The following PTPRG variants were observed in gnomAD, a reference collection of about 807,000 sequenced individuals.
PTPRG encodes protein tyrosine phosphatase receptor type G.
PTPRG carries 102 observed loss-of-function variants against 165.3 expected under a neutral mutation model. That is an observed-to-expected ratio of 0.62 (90% CI 0.53 to 0.73). The LOEUF is 0.73. Ranked by LOEUF, PTPRG falls within the 30% of genes least tolerant of loss-of-function variation. The probability of loss-of-function intolerance (pLI) is 0.00; values close to 1 mark genes in which losing one functional copy is unlikely to be tolerated. For synonymous variants in PTPRG, 675 were observed against 669.5 expected (o/e 1.01, Z -0.13); for missense variants, 1,866 against 1,861.4 (o/e 1.00, Z -0.05).
chr3:61,615,547 C>G (rs1701277232), intron 1 of PTPRG, among the ~76,000 whole-genome samples: 1 of 152,190 alleles, frequency 6.6e-6, no homozygotes, highest in African/African-American at 2.4e-5. Flanking sequence ...GCCAGGCTTC[C>G]CCACTTAAAC....
At chr3:61,846,848 G>T (rs1355450367) in intron 2 of PTPRG, among the ~76,000 whole-genome samples, 1 of 152,142 alleles carries the variant, frequency 6.6e-6, no homozygotes, top group Admixed American at 6.5e-5. Context: ...CCAGGAGGTG[G>T]AGGTTGCAGT....
rs569045690 is a variant in PTPRG, at chr3:61,770,577, A to G, written c.190+21595A>G. ...AATAATTTTTCTCAACTTTGCATATACTTTTTTCTTCCTGCATTTAATCTA... is the reference window on the plus strand; with the variant it reads ...AATAATTTTTCTCAACTTTGCATATGCTTTTTTCTTCCTGCATTTAATCTA... On this transcript the variant is annotated intron_variant, in intron 2 of 29. Coordinates refer to ENST00000474889, the MANE Select transcript of PTPRG (RefSeq NM_002841.4). 8 of 152,204 alleles carry G rather than the reference A, an allele frequency of 5.3e-5. No individual in the cohort carries two copies. In the South Asian group the frequency reaches 1.0e-3, roughly 20 times the overall value. 9.4% of individuals were successfully genotyped at this position (152,204 alleles called of 1,614,324 possible). A position where few individuals can be genotyped will look rare whatever the true frequency, so the allele number is the denominator to read the frequency against.
In PTPRG at chr3:61,562,009, C is replaced by T. The variant is rs1377959638; in HGVS notation, c.-279C>T. 2 of 315,234 alleles carry T rather than the reference C, an allele frequency of 6.3e-6. No homozygotes were observed. The highest frequency in any genetic ancestry group is 1.2e-4 in the East Asian group (2 of 16,350). 19.5% of individuals were successfully genotyped at this position (315,234 alleles called of 1,614,324 possible). On this transcript the variant is annotated 5_prime_UTR_variant, in exon 1 of 30. Coordinates refer to ENST00000474889, the MANE Select transcript of PTPRG (RefSeq NM_002841.4). ...CGCCGGCCGCCGACTCCGCGCCCTG[C>T]CCGATCGGCTCTCTCCTTTTTAAAC...
intron 1 of PTPRG, among the ~76,000 whole-genome samples, chr3:61,682,416 T>C (rs1703480784): frequency 6.6e-6 from 1 of 152,186 alleles, no homozygotes; most frequent in Admixed American, 6.5e-5. Context: ...GCAGATGCTG[T>C]TAAATGTTGA....
In PTPRG at chr3:62,168,109, A is replaced by C; in HGVS notation, c.979A>C (p.Asn327His). ...VSKSAVRDSW[N>H]HDMTDFLENP... ...CAAGTCCGCCGTCCGTGACTCCTGG[A>C]ACCACGACATGACAGACTTCTTAGA... Residue 327 changes from asparagine to histidine, a missense_variant, in exon 8 of 30, where the codon AAC (asparagine) becomes CAC (histidine). Asn to His is a moderately conservative substitution (Grantham distance 68, BLOSUM62 1). Around this residue, in one of 3 missense-constraint regions of PTPRG, gnomAD observed 1,452 missense variants for 1,463.0 expected, o/e 0.99. Coordinates refer to ENST00000474889, the MANE Select transcript of PTPRG (RefSeq NM_002841.4). 1 of 1,614,092 alleles carries C rather than the reference A, an allele frequency of 6.2e-7. No homozygotes were observed. Among genetic ancestry groups the C allele is most frequent in the Non-Finnish European group, 8.5e-7 (1 of 1,179,990 alleles).
At chr3:62,186,410 A>G (rs1576110599) in intron 8 of PTPRG, among the ~76,000 whole-genome samples, 1 of 152,046 alleles carries the variant, frequency 6.6e-6, no homozygotes, top group East Asian at 1.9e-4. Flanking sequence ...AGATGCTTGC[A>G]GCTCAGTCAG....
At chr3:61,752,785 C>CAAAAAAAAAAAAAAAAAAAAA (rs749817659) in intron 2 of PTPRG, among the ~76,000 whole-genome samples, 61 of 69,904 alleles carry the variant, frequency 8.7e-4, no homozygotes, top group African/African-American at 1.1e-3. Context: ...AAGACTGTCT[C>CAAAAAAAAAAAAAAAAAAAAA]AAAAAAAAAA....
chr3:61,953,726 C>A (rs370457265), intron 2 of PTPRG, among the ~76,000 whole-genome samples: 3 of 152,170 alleles, frequency 2.0e-5, no homozygotes, highest in African/African-American at 7.2e-5. Context: ...ACCTTCCATT[C>A]TTTCAGCACG....
At chr3:61,969,297 C>T (rs965408857) in intron 2 of PTPRG, among the ~76,000 whole-genome samples, 2 of 152,068 alleles carry the variant, frequency 1.3e-5, no homozygotes, top group African/African-American at 2.4e-5. Context: ...GGATGCAGAG[C>T]TCAGTACATG....
At chr3:61,795,310 G>A (rs1200726041) in intron 2 of PTPRG, among the ~76,000 whole-genome samples, 2 of 152,100 alleles carry the variant, frequency 1.3e-5, no homozygotes, top group African/African-American at 2.4e-5. Flanking sequence ...TCAAGAAGTA[G>A]TAACCTCACT....
intron 4 of PTPRG, among the ~76,000 whole-genome samples, chr3:62,011,226 C>T (rs1439032774): frequency 1.3e-5 from 2 of 152,146 alleles, no homozygotes; most frequent in East Asian, 1.9e-4. Flanking sequence ...AATTGTCCGC[C>T]GCTGGCATAT....
chr3:61,891,919 A>G (rs1252438565), intron 2 of PTPRG, among the ~76,000 whole-genome samples: 4 of 151,080 alleles, frequency 2.6e-5, no homozygotes, highest in African/African-American at 9.7e-5. Context: ...TTTTTTTTTC[A>G]GTAAATTAAT....
At chr3:61,651,785 G>A (rs181895734) in intron 1 of PTPRG, among the ~76,000 whole-genome samples, 5 of 152,276 alleles carry the variant, frequency 3.3e-5, no homozygotes, top group Non-Finnish European at 7.4e-5. Context: ...CGAGGTAGGT[G>A]GATCACTTGA....
chr3:61,688,771 A>G (rs961435748), intron 1 of PTPRG, among the ~76,000 whole-genome samples: 1 of 152,256 alleles, frequency 6.6e-6, no homozygotes, highest in African/African-American at 2.4e-5. Context: ...GTCATTGCCT[A>G]GTAAATGGTA....
At chr3:62,026,977 T>A (rs1050274076) in intron 4 of PTPRG, among the ~76,000 whole-genome samples, 1 of 151,760 alleles carries the variant, frequency 6.6e-6, no homozygotes, top group Admixed American at 6.6e-5. Context: ...GCCAGACATA[T>A]GGGCAAATGA....
At chr3:62,209,935 G>C (rs140139576) in intron 12 of PTPRG, among the ~76,000 whole-genome samples, 1 of 152,278 alleles carries the variant, frequency 6.6e-6, no homozygotes, top group Non-Finnish European at 1.5e-5. Context: ...TACAACTTCT[G>C]TCCGTGACTG....
chr3:61,632,019 A>G (rs1701786097), intron 1 of PTPRG, among the ~76,000 whole-genome samples: 1 of 152,180 alleles, frequency 6.6e-6, no homozygotes, highest in Non-Finnish European at 1.5e-5. Context: ...AAAAATCTAT[A>G]GTCAGCTGGG....
intron 7 of PTPRG, among the ~76,000 whole-genome samples, chr3:62,160,864 A>ATTTTTTTTTTTTTTTT (rs5849464): frequency 2.9e-5 from 3 of 103,986 alleles, no homozygotes; most frequent in Admixed American, 1.2e-4. Context: ...TAGATGTGTG[A>ATTTTTTTTTTTTTTTT]TTTTTTTTTT....
intron 7 of PTPRG, among the ~76,000 whole-genome samples, chr3:62,164,088 C>T (rs931649365): frequency 5.3e-5 from 8 of 152,206 alleles, no homozygotes; most frequent in Non-Finnish European, 1.0e-4. Flanking sequence ...GAACAGATTA[C>T]GGACCAAACA....
Sources: allele counts gnomAD v4.1 joint callset (sites outside exome capture counted in the v4.1 genomes callset), GRCh38; gene constraint gnomAD v4.1.1; regional missense constraint gnomAD v4.1.1; transcripts MANE v1.5; gene names NCBI Gene and HGNC (gene_info 2026-07-23, HGNC 2026-07-21).